The following ADCY1 variants were observed in gnomAD, a reference collection of about 807,000 sequenced individuals.
The protein encoded by ADCY1 is adenylate cyclase 1.
A neutral mutation model predicts 105.4 loss-of-function variants in ADCY1; 28 were observed. The ratio of observed to expected loss-of-function variants is 0.27; its 90% CI spans 0.20 to 0.36. The LOEUF (loss-of-function observed/expected upper bound fraction) is 0.36, where lower values mean the gene tolerates loss of function less well. Ranked by LOEUF, ADCY1 falls within the 10% of genes least tolerant of loss-of-function variation. The pLI is 1.00. For synonymous variants in ADCY1, 655 were observed against 623.8 expected, an observed-to-expected ratio of 1.05 and a Z score of -0.75; for missense variants, 977 against 1,434.2, an observed-to-expected ratio of 0.68 and a Z score of 5.15.
rs1584347627 is a variant in ADCY1 at position 45,710,310 on chromosome 7, C to A, written c.2933-218C>A. The stretch of plus-strand genomic sequence containing the variant: ...TGCAGTGGACAGTGTCGTGAGGAGA[C>A]CCTGCCCAGGGGAGCCCGTGCAGCA... On this transcript the variant is annotated intron_variant, in intron 18 of 19. Transcript: ENST00000297323. The surrounding 1 kb of genome is among the most constrained non-coding windows in gnomAD (Gnocchi z 4.7). 6.6e-6 allele frequency among the ~76,000 whole-genome samples: 1 copy of A among 152,122 alleles called. No homozygotes were observed. The highest frequency in any genetic ancestry group is 2.4e-5 in the African/African-American group (1 of 41,424).
intron 4 of ADCY1, among the ~76,000 whole-genome samples, chr7:45,625,870 T>C (rs1794046675): frequency 6.6e-6 from 1 of 152,226 alleles, no homozygotes; most frequent in Non-Finnish European, 1.5e-5. Flanking sequence ...TGACTTCCCA[T>C]GTGTGCACGG....
At chr7:45,685,768 C>T (rs149169249) in intron 12 of ADCY1, among the ~76,000 whole-genome samples, 194 bp from the exon 13 acceptor site, 313 of 152,320 alleles carry the variant, frequency 2.1e-3, no homozygotes, top group African/African-American at 7.0e-3. Flanking sequence ...AGCCTCTTGC[C>T]TGCTCTGGCA....
intron 19 of ADCY1, among the ~76,000 whole-genome samples, chr7:45,711,288 C>A (rs909897898): frequency 6.6e-6 from 1 of 151,996 alleles, no homozygotes; most frequent in South Asian, 2.1e-4. Context: ...CAGCCACCCT[C>A]GCTGGGAACT....
chr7:45,721,586 CATTGGTTGT>C lies in ADCY1; in HGVS notation c.*7595_*7603del. On this transcript the variant is annotated 3_prime_UTR_variant, in exon 20 of 20. Coordinates refer to ENST00000297323, the MANE Select transcript of ADCY1 (RefSeq NM_021116.4). ...GGAGTTCTGTGAGCTATGGGAAGGCCATTGGTTGTATTTGCTACTTTTACTTTCATCTTC... is the reference window on the plus strand; with the variant it reads ...GGAGTTCTGTGAGCTATGGGAAGGCCATTTGCTACTTTTACTTTCATCTTC... 2.5e-6 allele frequency: 1 copy of C among 398,194 alleles called. No homozygotes were observed. The highest frequency in any genetic ancestry group is 4.4e-6 in the Non-Finnish European group (1 of 225,986). The allele number at this position is 398,194 out of a possible 1,614,324, so 24.7% of individuals were successfully genotyped here.
intron 2 of ADCY1, among the ~76,000 whole-genome samples, chr7:45,593,226 C>T (rs993302186): frequency 6.6e-6 from 1 of 152,172 alleles, no homozygotes; most frequent in Non-Finnish European, 1.5e-5. Flanking sequence ...CTGGCTGGGC[C>T]TCGGATGAAT....
chr7:45,693,196 G>A (rs982625980), intron 14 of ADCY1, among the ~76,000 whole-genome samples: 20 of 152,004 alleles, frequency 1.3e-4, no homozygotes, highest in African/African-American at 4.6e-4. Flanking sequence ...ACTTGATCAT[G>A]GTGGATAAGC....
In ADCY1 at chr7:45,575,297, T is replaced by A; in HGVS notation, c.639+115T>A. On this transcript the variant is annotated intron_variant, in intron 1 of 19. Transcript: ENST00000297323. This position sits in a 1 kb window ranked among gnomAD's most constrained non-coding sequence, Gnocchi z 4.7. ...ATGCGGCGGGTGGGGACACTGAGGC[T>A]CCGAGTGGGGGTGTGTTCAAGGTCA... is the stretch of plus-strand genomic sequence containing the variant. 7.5e-7 allele frequency: 1 copy of A among 1,325,328 alleles called. No homozygotes were observed. The highest frequency in any genetic ancestry group is 2.5e-5 in the East Asian group (1 of 40,322). The allele number at this position is 1,325,328 out of a possible 1,614,324, so 82.1% of individuals were successfully genotyped here. A position where few individuals can be genotyped will look rare whatever the true frequency, so the allele number is the denominator to read the frequency against.
chr7:45,599,964 G>T (rs1793182046), intron 2 of ADCY1, among the ~76,000 whole-genome samples: 1 of 152,218 alleles, frequency 6.6e-6, no homozygotes, highest in South Asian at 2.1e-4. Context: ...TTTGAAGTCT[G>T]TGTGGCAGAT....
intron 17 of ADCY1, among the ~76,000 whole-genome samples, chr7:45,707,438 A>G (rs1452065894): frequency 6.6e-6 from 1 of 152,214 alleles, no homozygotes; most frequent in Non-Finnish European, 1.5e-5. Flanking sequence ...AAGGTTACAT[A>G]CTGTATGATT....
chr7:45,576,159 G>A (rs1792338905), intron 1 of ADCY1, among the ~76,000 whole-genome samples: 1 of 152,244 alleles, frequency 6.6e-6, no homozygotes, highest in South Asian at 2.1e-4. Flanking sequence ...CCCATCTCAC[G>A]AAAGGAAGCA....
rs369079165 is a variant in ADCY1 at position 45,592,783 on chromosome 7, G to A, written c.664G>A (p.Val222Ile). ...RTLGANALLF[V>I]GVNMYGVFVR... Reference sequence around the variant, plus strand: ...GCTCGGTGCCAATGCCTTGCTCTTCGTCGGTGTGAACATGTATGGGGTCTT... The same window carrying A: ...GCTCGGTGCCAATGCCTTGCTCTTCATCGGTGTGAACATGTATGGGGTCTT... Residue 222 changes from valine to isoleucine, a missense_variant, in exon 2 of 20, where the codon GTC (valine) becomes ATC (isoleucine). Coordinates refer to ENST00000297323, the MANE Select transcript of ADCY1 (RefSeq NM_021116.4). 22 of 1,614,080 alleles carry A rather than the reference G, an allele frequency of 1.4e-5. No homozygotes were observed. The highest frequency in any genetic ancestry group is 3.3e-5 in the South Asian group (3 of 91,090).
chr7:45,668,747 A>G (rs1784309993), intron 8 of ADCY1, among the ~76,000 whole-genome samples: 1 of 152,160 alleles, frequency 6.6e-6, no homozygotes, highest in African/African-American at 2.4e-5. Context: ...TCGGTTGTGA[A>G]TCCGTCTAGT....
rs1176664882 is a variant in ADCY1 at position 45,686,954 on chromosome 7, G to A, written c.2454+281G>A. Among the ~76,000 whole-genome samples the A allele has an allele frequency of 6.6e-6, 1 of 152,170 alleles. No homozygotes were observed. The highest frequency in any genetic ancestry group is 1.9e-4 in the East Asian group (1 of 5,172). On this transcript the variant is annotated intron_variant, in intron 14 of 19. Coordinates refer to ENST00000297323, the MANE Select transcript of ADCY1 (RefSeq NM_021116.4). This position sits in a 1 kb window ranked among gnomAD's most constrained non-coding sequence, Gnocchi z 4.3. ...TGGTCAGAGCGTGGCTCTTTCACGA[G>A]GCAGTGAGTCCCCCTTCACTGAACA...
chr7:45,606,167 T>A (rs1793367639), intron 2 of ADCY1, among the ~76,000 whole-genome samples: 1 of 152,084 alleles, frequency 6.6e-6, no homozygotes, highest in Non-Finnish European at 1.5e-5. Context: ...ATCCCCTTGG[T>A]TCCCACTGAC....
At chr7:45,622,386 G>A (rs1793924826) in intron 3 of ADCY1, among the ~76,000 whole-genome samples, 2 of 152,076 alleles carry the variant, frequency 1.3e-5, no homozygotes, top group Non-Finnish European at 2.9e-5. Context: ...GGGGGATGGC[G>A]AGCTCTGAAT....
intron 7 of ADCY1, among the ~76,000 whole-genome samples, 179 bp from the exon 8 acceptor site, chr7:45,661,880 G>A (rs1795116301): frequency 6.6e-6 from 1 of 152,138 alleles, no homozygotes; most frequent in South Asian, 2.1e-4. Context: ...CTCCCAATAT[G>A]GTTTTGTTTG....
intron 14 of ADCY1, among the ~76,000 whole-genome samples, chr7:45,695,596 A>G (rs1323037619): frequency 1.3e-5 from 2 of 152,136 alleles, no homozygotes; most frequent in Admixed American, 6.6e-5. Flanking sequence ...AGCAGTCAAG[A>G]TTTCATATGC....
At chr7:45,616,159 C>G (rs536461015) in intron 3 of ADCY1, among the ~76,000 whole-genome samples, 2 of 152,222 alleles carry the variant, frequency 1.3e-5, no homozygotes, top group South Asian at 2.1e-4. Flanking sequence ...TTGAACAGAC[C>G]TATATATAGT....
At chr7:45,618,035 T>C (rs762670327) in intron 3 of ADCY1, among the ~76,000 whole-genome samples, 2 of 152,198 alleles carry the variant, frequency 1.3e-5, no homozygotes, top group African/African-American at 2.4e-5. Context: ...AACAGACATA[T>C]AGACCAATAG....
Sources: allele counts gnomAD v4.1 joint callset (sites outside exome capture counted in the v4.1 genomes callset), GRCh38; gene constraint gnomAD v4.1.1; non-coding constraint Gnocchi (gnomAD v3.1); transcripts MANE v1.5; gene names NCBI Gene and HGNC (gene_info 2026-07-23, HGNC 2026-07-21).